ATP10B: variants seen among roughly 807,000 people sequenced by gnomAD.
ATP10B encodes phospholipid-transporting ATPase VB.
Under a neutral mutation model 141.2 loss-of-function variants are expected in ATP10B, and 122 were observed. The observed-to-expected ratio is 0.86, with a 90% CI of 0.75 to 1.00. The LOEUF is 1.00. Among genes scored for constraint, ATP10B ranks in the 50% least tolerant of loss-of-function variants. The probability of loss-of-function intolerance (pLI) is 0.00; values close to 1 mark genes in which losing one functional copy is unlikely to be tolerated. For missense variants in ATP10B, 1,876 were observed against 1,825.3 expected, an observed-to-expected ratio of 1.03 and a Z score of -0.51; for synonymous variants, 685 against 692.0, an observed-to-expected ratio of 0.99 and a Z score of 0.16.
chr5:160,723,873 A>C (rs1766143236), intron 2 of ATP10B, among the ~76,000 whole-genome samples: 1 of 152,206 alleles, frequency 6.6e-6, no homozygotes, highest in African/African-American at 2.4e-5. Flanking sequence ...AAGACATGGA[A>C]TCAACTTAAA....
intron 2 of ATP10B, among the ~76,000 whole-genome samples, chr5:160,741,928 G>C (rs1386356156): frequency 6.6e-6 from 1 of 152,118 alleles, no homozygotes; most frequent in Non-Finnish European, 1.5e-5. Flanking sequence ...CAGACTTTGG[G>C]CTACATGTTT....
intron 3 of ATP10B, among the ~76,000 whole-genome samples, chr5:160,708,441 T>C (rs1017215800): frequency 2.0e-5 from 3 of 152,124 alleles, no homozygotes; most frequent in Non-Finnish European, 4.4e-5. Context: ...GTTGTACACG[T>C]GAGGATTTGG....
At chr5:160,843,357 C>T (rs1261152017) in intron 1 of ATP10B, among the ~76,000 whole-genome samples, 1 of 152,014 alleles carries the variant, frequency 6.6e-6, no homozygotes, top group Non-Finnish European at 1.5e-5. Context: ...AATTGCCTTA[C>T]CTACTGAGTA....
At chr5:160,840,639 A>G (rs975217679) in intron 1 of ATP10B, among the ~76,000 whole-genome samples, 3 of 152,098 alleles carry the variant, frequency 2.0e-5, no homozygotes, top group African/African-American at 7.2e-5. Context: ...TAGGTTTATG[A>G]AAAAGTTTTT....
In ATP10B at chr5:160,824,644, A is replaced by G. The variant is rs189621322; in HGVS notation, c.-576+27297T>C. On this transcript the variant is annotated intron_variant, in intron 1 of 25. Coordinates refer to ENST00000327245, the MANE Select transcript of ATP10B (RefSeq NM_025153.3). Reference sequence around the variant, plus strand: ...CTCCTAGGCTACAAACAAATACAGCATGTTTCTTTGCTGAATACCGTAGGC... The same window carrying G: ...CTCCTAGGCTACAAACAAATACAGCGTGTTTCTTTGCTGAATACCGTAGGC... Among the ~76,000 whole-genome samples the G allele has an allele frequency of 2.4e-4, 36 of 152,176 alleles. 1 individual carries two copies. The East Asian group carries it at 6.7e-3, about 29-fold the overall frequency.
chr5:160,895,696 A>T, the ATP10B span, among the ~76,000 whole-genome samples: 1 of 152,208 alleles, frequency 6.6e-6, no homozygotes, highest in African/African-American at 2.4e-5. Context: ...CACCAAGTGG[A>T]CCTAATAGAC....
chr5:160,677,065 C>T (rs769702711), intron 6 of ATP10B, among the ~76,000 whole-genome samples: 63 of 152,266 alleles, frequency 4.1e-4, no homozygotes, highest in Admixed American at 1.0e-3. Flanking sequence ...ACAGGAGCCT[C>T]ACCTTTTGGA....
At chr5:160,884,407 A>G in the ATP10B span, among the ~76,000 whole-genome samples, 1 of 152,228 alleles carries the variant, frequency 6.6e-6, no homozygotes, top group Non-Finnish European at 1.5e-5. Context: ...GTTAGGTAGT[A>G]TGAAATGATG....
intron 2 of ATP10B, among the ~76,000 whole-genome samples, chr5:160,746,178 C>T (rs1394497529): frequency 6.6e-6 from 1 of 152,158 alleles, no homozygotes; most frequent in Non-Finnish European, 1.5e-5. Context: ...GTCTTTCTTA[C>T]CCACTAGATG....
At chr5:160,725,569 G>C (rs915553215) in intron 2 of ATP10B, among the ~76,000 whole-genome samples, 2 of 151,668 alleles carry the variant, frequency 1.3e-5, no homozygotes, top group Non-Finnish European at 1.5e-5. Context: ...CCTCAGCCTC[G>C]CAAGTAGCTG....
Position 160,617,961 on chromosome 5 carries a change from T to C in ATP10B, c.2429A>G (p.Asn810Ser). The C allele has an allele frequency of 6.2e-7, 1 of 1,614,074 alleles. No individual in the cohort carries two copies. Among genetic ancestry groups the C allele is most frequent in the South Asian group, 1.1e-5 (1 of 91,084 alleles). The part of the protein sequence containing the change: ...LEDPACVPDI[N>S]MEKKLRKIRA... Reference sequence around the variant, plus strand: ...GATTTTTCTCAGCTTCTTTTCCATATTAATGTCAGGTACTGTCAAATAGCC... The same window carrying C: ...GATTTTTCTCAGCTTCTTTTCCATACTAATGTCAGGTACTGTCAAATAGCC... Residue 810 changes from asparagine to serine, a missense_variant, in exon 16 of 26, where the codon AAT becomes AGT. Coordinates refer to ENST00000327245, the MANE Select transcript of ATP10B (RefSeq NM_025153.3).
the ATP10B span, among the ~76,000 whole-genome samples, chr5:160,928,203 T>G: frequency 2.0e-5 from 3 of 152,170 alleles, no homozygotes; most frequent in African/African-American, 7.2e-5. Flanking sequence ...GCTCTAGAGC[T>G]TCAAGAATTA....
chr5:160,779,549 A>G (rs1187908139), intron 2 of ATP10B, among the ~76,000 whole-genome samples: 5 of 152,170 alleles, frequency 3.3e-5, no homozygotes, highest in Non-Finnish European at 7.3e-5. Context: ...CCTTGGAGGA[A>G]CTGAGTGTGA....
chr5:160,612,993 C>G, intron 17 of ATP10B, 68 bp from the exon 18 acceptor site: 1 of 1,451,242 alleles, frequency 6.9e-7, no homozygotes, highest in Admixed American at 2.1e-5. Flanking sequence ...TCCCCCAAAG[C>G]CATGTGAAGC....
At chr5:160,720,040 A>G (rs1453054853) in intron 2 of ATP10B, among the ~76,000 whole-genome samples, 2 of 152,206 alleles carry the variant, frequency 1.3e-5, no homozygotes, top group Non-Finnish European at 2.9e-5. Flanking sequence ...AAGATTCTGA[A>G]ATGTCCTGTA....
At chr5:160,856,255 A>T (rs1753996697), upstream of ATP10B, among the ~76,000 whole-genome samples, 1 of 151,814 alleles carries the variant, frequency 6.6e-6, no homozygotes, top group Non-Finnish European at 1.5e-5. Context: ...TGTTATCAAC[A>T]TCGTGTAGTT....
At chr5:160,724,134 G>A (rs1766172441) in intron 2 of ATP10B, among the ~76,000 whole-genome samples, 1 of 152,082 alleles carries the variant, frequency 6.6e-6, no homozygotes, top group Non-Finnish European at 1.5e-5. Context: ...GAGGGTGGAG[G>A]ATGGGAGGAG....
chr5:160,838,612 T>G (rs1775614181), intron 1 of ATP10B, among the ~76,000 whole-genome samples: 1 of 152,198 alleles, frequency 6.6e-6, no homozygotes, highest in African/African-American at 2.4e-5. Context: ...TACCTGTGAT[T>G]TTAATGAATA....
chr5:160,926,720 C>A, the ATP10B span, among the ~76,000 whole-genome samples: 2 of 152,250 alleles, frequency 1.3e-5, no homozygotes, highest in African/African-American at 4.8e-5. Context: ...TCAAATACTT[C>A]TCTCTGCAAA....
Sources: allele counts gnomAD v4.1 joint callset (sites outside exome capture counted in the v4.1 genomes callset), GRCh38; gene constraint gnomAD v4.1.1; transcripts MANE v1.5; gene names NCBI Gene and HGNC (gene_info 2026-07-23, HGNC 2026-07-21).